KLHL3: variants seen among roughly 807,000 people sequenced by gnomAD.
KLHL3 encodes kelch-like protein 3.
Under a neutral mutation model 70.5 loss-of-function variants are expected in KLHL3, and 19 were observed. The observed-to-expected ratio is 0.27, with a 90% CI of 0.19 to 0.40. The LOEUF (loss-of-function observed/expected upper bound fraction) is 0.40, where lower values mean the gene tolerates loss of function less well. Ranked by LOEUF, KLHL3 falls within the 10% of genes least tolerant of loss-of-function variation. KLHL3 has a pLI of 1.00. For synonymous variants in KLHL3, 258 were observed against 290.3 expected (o/e 0.89, Z 1.13); for missense variants, 512 against 771.1 (o/e 0.66, Z 3.98).
chr5:137,681,975 T>C (rs1561604044), intron 5 of KLHL3, among the ~76,000 whole-genome samples: 1 of 152,092 alleles, frequency 6.6e-6, no homozygotes, highest in East Asian at 1.9e-4. Context: ...CACAAACATA[T>C]CTTCCCAATG....
intron 2 of KLHL3, among the ~76,000 whole-genome samples, chr5:137,712,156 C>CAAAAAAA (rs201519598): frequency 1.1e-4 from 8 of 74,858 alleles, no homozygotes; most frequent in African/African-American, 3.8e-4. Flanking sequence ...AAGATTCTGT[C>CAAAAAAA]AAAAAAAAAA....
At chr5:137,633,517 T>G (rs1207395841) in intron 12 of KLHL3, among the ~76,000 whole-genome samples, 1 of 152,114 alleles carries the variant, frequency 6.6e-6, no homozygotes, top group Non-Finnish European at 1.5e-5. Context: ...TGTACAGTTA[T>G]TATGTTTAAA....
intron 14 of KLHL3, among the ~76,000 whole-genome samples, chr5:137,623,271 T>C (rs1046392724): frequency 6.6e-6 from 1 of 152,212 alleles, no homozygotes; most frequent in Non-Finnish European, 1.5e-5. Flanking sequence ...TATTTTAACA[T>C]AGTCCCACAA....
intron 8 of KLHL3, among the ~76,000 whole-genome samples, chr5:137,657,071 T>C (rs918831928): frequency 6.6e-6 from 1 of 152,208 alleles, no homozygotes; most frequent in Non-Finnish European, 1.5e-5. Flanking sequence ...TTGCAACCAA[T>C]ATATTCCCCA....
chr5:137,626,234 G>C (rs752301518), intron 13 of KLHL3, among the ~76,000 whole-genome samples: 38 of 152,194 alleles, frequency 2.5e-4, no homozygotes, highest in Non-Finnish European at 1.2e-4. Flanking sequence ...GGTGTATACA[G>C]ACCTCCTGTG....
intron 14 of KLHL3, among the ~76,000 whole-genome samples, chr5:137,623,174 G>C (rs535176636): frequency 5.9e-5 from 9 of 152,326 alleles, no homozygotes; most frequent in African/African-American, 2.2e-4. Context: ...TCCTTATTTA[G>C]GAAAGTATCT....
Position 137,639,523 on chromosome 5 carries a change from G to T in KLHL3, c.1021+337C>A, listed in dbSNP as rs1001716353. 1.3e-5 allele frequency among the ~76,000 whole-genome samples: 2 copies of T among 151,860 alleles called. No homozygotes were observed. Among genetic ancestry groups the T allele is most frequent in the Non-Finnish European group, 2.9e-5 (2 of 67,936 alleles). On this transcript the variant is annotated intron_variant, in intron 9 of 14. Transcript: ENST00000309755. The surrounding 1 kb of genome is among the most constrained non-coding windows in gnomAD (Gnocchi z 5.0). Reference sequence around the variant, plus strand: ...CAGCTTGGCCAAAATGGTGAAACCCGTCTCTACTAAAAATGCAAAAATTAG... The same window carrying T: ...CAGCTTGGCCAAAATGGTGAAACCCTTCTCTACTAAAAATGCAAAAATTAG...
Position 137,735,869 on chromosome 5 carries a change from G to A in KLHL3, c.-223C>T, listed in dbSNP as rs1455399957. The A allele has an allele frequency of 1.6e-6, 1 of 626,562 alleles. No homozygotes were observed. The highest frequency in any genetic ancestry group is 1.8e-5 in the African/African-American group (1 of 55,324). 38.8% of individuals were successfully genotyped at this position (626,562 alleles called of 1,614,324 possible). ...GCAGCAACAGAAAATGTCTTACCCA[G>A]AGCTCCCTGCAGCCCTTTCAGCTGC... On this transcript the variant is annotated 5_prime_UTR_variant, in exon 1 of 15. Coordinates refer to ENST00000309755, the MANE Select transcript of KLHL3 (RefSeq NM_017415.3).
chr5:137,633,831 G>A (rs542858377), intron 12 of KLHL3, among the ~76,000 whole-genome samples: 4 of 152,214 alleles, frequency 2.6e-5, no homozygotes, highest in Non-Finnish European at 4.4e-5. Context: ...TCTGGGAGGA[G>A]GGTGAAAGTT....
At chr5:137,667,580 A>G (rs1216592863) in intron 6 of KLHL3, among the ~76,000 whole-genome samples, 1 of 152,130 alleles carries the variant, frequency 6.6e-6, no homozygotes, top group Non-Finnish European at 1.5e-5. Context: ...CCACTCCAAC[A>G]CTCTGGACAG....
intron 1 of KLHL3, among the ~76,000 whole-genome samples, chr5:137,722,434 A>C (rs1215098589): frequency 6.6e-6 from 1 of 152,200 alleles, no homozygotes; most frequent in Non-Finnish European, 1.5e-5. Context: ...GAAGATGCTT[A>C]GAGTTGTGTG....
chr5:137,661,642 GT>G (rs1035572094), intron 7 of KLHL3: 1 of 317,360 alleles, frequency 3.2e-6, no homozygotes, highest in African/African-American at 2.1e-5. Context: ...TATAATATCT[GT>G]TCTATGGAAG....
intron 6 of KLHL3, among the ~76,000 whole-genome samples, chr5:137,676,333 T>C (rs888119594): frequency 1.3e-5 from 2 of 152,228 alleles, no homozygotes; most frequent in East Asian, 1.9e-4. Flanking sequence ...TGTCCTGAAG[T>C]ATTCCCTCAA....
chr5:137,626,215 T>C (rs1238223632), intron 13 of KLHL3, among the ~76,000 whole-genome samples: 2 of 152,190 alleles, frequency 1.3e-5, no homozygotes, highest in African/African-American at 4.8e-5. Flanking sequence ...GACCCCTCTT[T>C]AATGGAAAGG....
At chr5:137,623,180 T>C (rs556610474) in intron 14 of KLHL3, among the ~76,000 whole-genome samples, 1 of 152,356 alleles carries the variant, frequency 6.6e-6, no homozygotes, top group East Asian at 1.9e-4. Flanking sequence ...TTTAGGAAAG[T>C]ATCTGTCAGG....
intron 12 of KLHL3, among the ~76,000 whole-genome samples, chr5:137,632,189 G>A (rs533234036): frequency 1.1e-4 from 17 of 152,144 alleles, no homozygotes; most frequent in South Asian, 1.0e-3. Flanking sequence ...AAAAGAGCCC[G>A]AATAGCCAAA....
rs189512320 is a variant in KLHL3, at chr5:137,671,593, C to T, written c.636+5952G>A. ...ACGGTTAATGAGCTGTGTCACCTCTCTGAACCTTAGTTTCTTCGTCTGCAA... is the reference window on the plus strand; with the variant it reads ...ACGGTTAATGAGCTGTGTCACCTCTTTGAACCTTAGTTTCTTCGTCTGCAA... On this transcript the variant is annotated intron_variant, in intron 6 of 14. Transcript: ENST00000309755. Among the ~76,000 whole-genome samples, 200 of 152,314 alleles carry T rather than the reference C, an allele frequency of 1.3e-3. 1 individual carries two copies. The highest frequency in any genetic ancestry group is 4.6e-3 in the African/African-American group (192 of 41,560).
At chr5:137,627,519 G>A (rs1001380438) in intron 13 of KLHL3, among the ~76,000 whole-genome samples, 4 of 143,188 alleles carry the variant, frequency 2.8e-5, no homozygotes, top group African/African-American at 1.0e-4. Context: ...CCACGAATGG[G>A]CTTAGCAAAC....
chr5:137,688,499 T>C (rs932479103), intron 5 of KLHL3, among the ~76,000 whole-genome samples: 1 of 152,228 alleles, frequency 6.6e-6, no homozygotes, highest in African/African-American at 2.4e-5. Flanking sequence ...CTGTCTACAC[T>C]GTCTGGTTGT....
Sources: gnomAD v4.1 joint callset for allele counts (sites outside exome capture counted in the v4.1 genomes callset) on GRCh38, gnomAD v4.1.1 for gene constraint, Gnocchi (gnomAD v3.1) non-coding constraint, MANE v1.5 for transcripts, NCBI Gene and HGNC (gene_info 2026-07-23, HGNC 2026-07-21) for gene names.